Variants in FAM149A observed in about 807,000 individuals in gnomAD.
The protein encoded by FAM149A is protein FAM149A.
A neutral mutation model predicts 78.2 loss-of-function variants in FAM149A; 71 were observed. The observed-to-expected ratio is 0.91, with a 90% CI of 0.75 to 1.11. The LOEUF is 1.11. FAM149A is among the 50% of genes least tolerant of loss of function. The pLI is 0.00. For synonymous variants in FAM149A, 446 were observed against 410.5 expected, an observed-to-expected ratio of 1.09 and a Z score of -1.04; for missense variants, 1,036 against 971.0, an observed-to-expected ratio of 1.07 and a Z score of -0.89.
At chr4:186,148,881 G>A (rs1733248236) in intron 1 of FAM149A, among the ~76,000 whole-genome samples, 1 of 152,078 alleles carries the variant, frequency 6.6e-6, no homozygotes, top group Non-Finnish European at 1.5e-5. Context: ...CTCTGGCTGA[G>A]TCACAAAAAG....
chr4:186,174,227 C>T lies in FAM149A; in HGVS notation c.*2240C>T, dbSNP rs1262338134. 2.7e-5 allele frequency among the ~76,000 whole-genome samples: 3 copies of T among 110,422 alleles called. No individual in the cohort carries two copies. The highest frequency in any genetic ancestry group is 8.5e-5 in the African/African-American group (3 of 35,278). The allele number at this position is 110,422 out of a possible 152,430, so 72.4% of individuals were successfully genotyped here. On this transcript the variant is annotated 3_prime_UTR_variant, in exon 14 of 14. Coordinates refer to ENST00000389354, the MANE Select transcript of FAM149A (RefSeq NM_001367768.3). ...TTAGTTATTTTTCCTGATCCTCTCC[C>T]TCCTTCCACCCTCCACCCTTTGATA...
chr4:186,128,394 C>G (rs1303807368), intron 1 of FAM149A, among the ~76,000 whole-genome samples: 1 of 151,596 alleles, frequency 6.6e-6, no homozygotes, highest in Non-Finnish European at 1.5e-5. Flanking sequence ...TTAGATGATA[C>G]AAGAGTGAAG....
rs1489486912 is a variant in FAM149A at position 186,130,281 on chromosome 4, C to CTCTCTT, written c.567-18887_567-18886insTTCTCT. ...TTATGAAATCTCTCTCTCTCTCTCTCTCTCTCTCTCTCTATATATATATAT... is the reference window on the plus strand; with the variant it reads ...TTATGAAATCTCTCTCTCTCTCTCTCTCTCTTTCTCTCTCTCTCTATATATATATAT... On this transcript the variant is annotated intron_variant, in intron 1 of 13. Transcript: ENST00000389354. 8.5e-3 allele frequency: 335 copies of CTCTCTT among 39,396 alleles called. 2 individuals are homozygous for CTCTCTT. The highest frequency in any genetic ancestry group is 0.021 in the Admixed American group (67 of 3,160). The allele number at this position is 39,396 out of a possible 1,614,324, so 2.4% of individuals were successfully genotyped here. A position where few individuals can be genotyped will look rare whatever the true frequency, so the allele number is the denominator to read the frequency against.
intron 1 of FAM149A, chr4:186,133,154 C>G (rs2099321477): frequency 1.0e-6 from 1 of 985,382 alleles, no homozygotes; most frequent in East Asian, 1.1e-4. Flanking sequence ...ACCCTACACA[C>G]TACATTCTGC....
intron 1 of FAM149A, chr4:186,109,208 G>A (rs2099310205): frequency 6.1e-6 from 6 of 984,576 alleles, no homozygotes; most frequent in Non-Finnish European, 7.2e-6. Context: ...AAGGTGGATA[G>A]ATAGATAATT....
At chr4:186,136,736 G>C (rs1030171925) in intron 1 of FAM149A, among the ~76,000 whole-genome samples, 1 of 152,152 alleles carries the variant, frequency 6.6e-6, no homozygotes, top group Non-Finnish European at 1.5e-5. Context: ...TAGCGTCTCT[G>C]TATGATTTGT....
chr4:186,169,476 C>G, intron 13 of FAM149A: 1 of 985,384 alleles, frequency 1.0e-6, no homozygotes, highest in Non-Finnish European at 1.2e-6. Context: ...TAAGTCTTAT[C>G]CCTCAAAAGT....
At chr4:186,106,315 C>T (rs1286649846) in intron 1 of FAM149A, among the ~76,000 whole-genome samples, 2 of 152,170 alleles carry the variant, frequency 1.3e-5, no homozygotes, top group African/African-American at 2.4e-5. Context: ...CACACACACA[C>T]CCACACAACA....
intron 13 of FAM149A, among the ~76,000 whole-genome samples, chr4:186,168,745 T>C (rs1735277625): frequency 6.6e-6 from 1 of 152,200 alleles, no homozygotes; most frequent in Admixed American, 6.5e-5. Context: ...TATCAAGTGC[T>C]CACTCTGTGC....
At chr4:186,159,287 A>G (rs1561412568) in intron 8 of FAM149A, among the ~76,000 whole-genome samples, 3 of 152,110 alleles carry the variant, frequency 2.0e-5, no homozygotes, top group Non-Finnish European at 4.4e-5. Flanking sequence ...TAGAAGAATC[A>G]AAGAGAGAGT....
At chr4:186,116,419 T>C (rs2099313730) in intron 1 of FAM149A, 1 of 980,648 alleles carries the variant, frequency 1.0e-6, no homozygotes, top group Non-Finnish European at 1.2e-6. Context: ...GGCTCCTCCC[T>C]CATGACCGTT....
Position 186,171,916 on chromosome 4 carries a change from T to G in FAM149A, c.2221T>G (p.Ser741Ala). The stretch of plus-strand genomic sequence containing the variant: ...TACCTTTTGCTTGGTGTTTCCAGGT[T>G]CACAATATGTGCCTAAATCTTTTCA... The change falls in exon 14 of 14, where the codon TCA (serine) becomes GCA (alanine). Residue 741 changes from serine (S) to alanine (A), a missense_variant and splice_region_variant. By Grantham distance (99) the Ser-to-Ala change is moderately conservative. This residue lies in a region of FAM149A where 716 missense variants were observed against 711.8 expected (regional missense o/e 1.01). Coordinates refer to ENST00000389354, the MANE Select transcript of FAM149A (RefSeq NM_001367768.3). 6.2e-7 allele frequency: 1 copy of G among 1,605,044 alleles called. No individual in the cohort carries two copies. The highest frequency in any genetic ancestry group is 8.5e-7 in the Non-Finnish European group (1 of 1,176,766).
intron 1 of FAM149A, among the ~76,000 whole-genome samples, chr4:186,108,421 A>AC (rs1181693048): frequency 6.8e-6 from 1 of 147,630 alleles, no homozygotes; most frequent in African/African-American, 2.4e-5. Flanking sequence ...TTTAAAAAAA[A>AC]AAAACAAAAA....
chr4:186,110,192 A>G, intron 1 of FAM149A: 1 of 985,422 alleles, frequency 1.0e-6, no homozygotes. Context: ...TTCCTCATAT[A>G]ATCCACTGTC....
intron 1 of FAM149A, among the ~76,000 whole-genome samples, chr4:186,106,905 G>C (rs992406241): frequency 1.6e-4 from 25 of 152,206 alleles, no homozygotes; most frequent in Non-Finnish European, 2.1e-4. Context: ...AGCCAAGATC[G>C]CACCATTGCG....
At chr4:186,141,643 G>C (rs2099325837) in intron 1 of FAM149A, among the ~76,000 whole-genome samples, 1 of 152,180 alleles carries the variant, frequency 6.6e-6, no homozygotes, top group Non-Finnish European at 1.5e-5. Context: ...GTCAAGACTT[G>C]CTGGGTTTGT....
intron 1 of FAM149A, chr4:186,118,065 G>A: frequency 1.0e-6 from 1 of 985,388 alleles, no homozygotes; most frequent in South Asian, 4.7e-5. Context: ...AGAAGGGCCA[G>A]GCACGGGGCT....
intron 1 of FAM149A, chr4:186,145,190 C>T: frequency 2.1e-6 from 2 of 974,794 alleles, no homozygotes; most frequent in Non-Finnish European, 1.2e-6. Flanking sequence ...GCCCGCGGGC[C>T]GGCTGCGTCT....
intron 8 of FAM149A, chr4:186,160,861 A>G: frequency 1.0e-6 from 1 of 985,372 alleles, no homozygotes; most frequent in Non-Finnish European, 1.2e-6. Context: ...TATATAGACT[A>G]CTAGTTCTGG....
Sources: allele counts gnomAD v4.1 joint callset (sites outside exome capture counted in the v4.1 genomes callset), GRCh38; gene constraint gnomAD v4.1.1; regional missense constraint gnomAD v4.1.1; transcripts MANE v1.5; gene names NCBI Gene and HGNC (gene_info 2026-07-23, HGNC 2026-07-21).